The following ZSCAN5A variants were observed in gnomAD, a reference collection of about 807,000 sequenced individuals.
ZSCAN5A encodes zinc finger and SCAN domain-containing protein 5A.
Under a neutral mutation model 23.7 loss-of-function variants are expected in ZSCAN5A, and 12 were observed. The observed-to-expected ratio is 0.51, with a 90% CI of 0.32 to 0.82. The LOEUF (loss-of-function observed/expected upper bound fraction) is 0.82. ZSCAN5A is among the 40% of genes least tolerant of loss of function. The pLI is 0.03. For synonymous variants in ZSCAN5A, 257 were observed against 239.9 expected (o/e 1.07, Z -0.66); for missense variants, 597 against 617.9 (o/e 0.97, Z 0.36).
At chr19:56,361,024 G>GCT (rs1600303817) in intron 2 of ZSCAN5A, among the ~76,000 whole-genome samples, 3 of 152,222 alleles carry the variant, frequency 2.0e-5, no homozygotes, top group South Asian at 2.1e-4. Flanking sequence ...AATGGGCAAA[G>GCT]GACATGAACA....
intron 2 of ZSCAN5A, among the ~76,000 whole-genome samples, chr19:56,285,331 G>A (rs760098262): frequency 1.1e-4 from 17 of 152,154 alleles, no homozygotes; most frequent in South Asian, 2.1e-4. Flanking sequence ...CCACATTCCC[G>A]GCTCTGCTCT....
At chr19:56,301,875 T>G (rs929306957) in intron 2 of ZSCAN5A, 30 of 1,226,664 alleles carry the variant, frequency 2.4e-5, no homozygotes, top group Non-Finnish European at 3.0e-5. Context: ...AGATGTGAGT[T>G]TGGAGATCAG....
intron 2 of ZSCAN5A, among the ~76,000 whole-genome samples, chr19:56,357,992 C>A (rs1383016220): frequency 1.3e-5 from 2 of 148,400 alleles, no homozygotes; most frequent in Non-Finnish European, 3.0e-5. Context: ...GACTTTAAAC[C>A]AAGAAAGGTC....
chr19:56,341,836 A>C (rs1490292263), intron 2 of ZSCAN5A, among the ~76,000 whole-genome samples: 1 of 152,096 alleles, frequency 6.6e-6, no homozygotes, highest in East Asian at 1.9e-4. Context: ...CTGGAACCCA[A>C]GGAAAACAAA....
intron 2 of ZSCAN5A, among the ~76,000 whole-genome samples, chr19:56,234,366 C>T (rs915208993): frequency 3.9e-5 from 6 of 152,076 alleles, no homozygotes; most frequent in Non-Finnish European, 7.3e-5. Flanking sequence ...ATATATTATA[C>T]GGACTAGGGG....
intron 2 of ZSCAN5A, among the ~76,000 whole-genome samples, chr19:56,284,367 GTATC>G (rs1568693778): frequency 6.6e-6 from 1 of 152,102 alleles, no homozygotes; most frequent in Non-Finnish European, 1.5e-5. Flanking sequence ...GAATTTCTGA[GTATC>G]TAGTCTGTGC....
At chr19:56,231,186 C>T (rs970699817) in intron 2 of ZSCAN5A, among the ~76,000 whole-genome samples, 1 of 152,116 alleles carries the variant, frequency 6.6e-6, no homozygotes, top group Non-Finnish European at 1.5e-5. Context: ...GCACTCCAGC[C>T]AGGGTAACAG....
chr19:56,227,614 T>G (rs1468177681), intron 2 of ZSCAN5A, among the ~76,000 whole-genome samples: 1 of 151,886 alleles, frequency 6.6e-6, no homozygotes, highest in East Asian at 1.9e-4. Flanking sequence ...GACACAGGAG[T>G]TAGTATTCAA....
intron 2 of ZSCAN5A, chr19:56,247,092 T>C (rs1465565194): frequency 1.4e-6 from 1 of 714,560 alleles, no homozygotes; most frequent in East Asian, 2.4e-5. Flanking sequence ...GGTTTACGTG[T>C]AATTCCAAGC....
At chr19:56,227,924 G>A (rs994019846) in intron 2 of ZSCAN5A, among the ~76,000 whole-genome samples, 8 of 151,856 alleles carry the variant, frequency 5.3e-5, no homozygotes, top group Admixed American at 2.0e-4. Flanking sequence ...CAGTCGTTGT[G>A]GCATATGCCT....
intron 2 of ZSCAN5A, among the ~76,000 whole-genome samples, chr19:56,250,684 A>C (rs879673907): frequency 2.0e-5 from 3 of 152,198 alleles, no homozygotes; most frequent in Non-Finnish European, 4.4e-5. Flanking sequence ...TCTTACCCAG[A>C]ATGCTACACT....
intron 1 of ZSCAN5A, 153 bp downstream of exon 1, chr19:56,314,528 A>T (rs2041244607): frequency 6.6e-6 from 1 of 152,290 alleles, no homozygotes; most frequent in Non-Finnish European, 1.5e-5. Flanking sequence ...AAACTCCTCC[A>T]GTCCCATCCC....
intron 2 of ZSCAN5A, among the ~76,000 whole-genome samples, chr19:56,330,196 G>C (rs1051785845): frequency 2.6e-5 from 4 of 152,172 alleles, no homozygotes; most frequent in African/African-American, 9.7e-5. Context: ...AGTATTCCAT[G>C]GTGTATATGT....
At chr19:56,244,477 C>T (rs935583882) in intron 2 of ZSCAN5A, 2 of 1,534,178 alleles carry the variant, frequency 1.3e-6, no homozygotes, top group Non-Finnish European at 1.8e-6. Context: ...GGGATGGGGG[C>T]TGCACGGTGC....
chr19:56,221,454 A>G lies in ZSCAN5A; in HGVS notation c.*121T>C. 2 of 1,269,292 alleles carry G rather than the reference A, an allele frequency of 1.6e-6. No homozygotes were observed. Among genetic ancestry groups the G allele is most frequent in the Non-Finnish European group, 2.2e-6 (2 of 920,276 alleles). The allele number at this position is 1,269,292 out of a possible 1,614,324, so 78.6% of individuals were successfully genotyped here. On this transcript the variant is annotated 3_prime_UTR_variant, in exon 6 of 6. Coordinates refer to ENST00000683990, the MANE Select transcript of ZSCAN5A (RefSeq NM_001322064.3). ...TTACTCAAACATCCTGGCAATTCAT[A>G]TCTAGGGCACTCCCTCTGTGTGTCA... is the stretch of plus-strand genomic sequence containing the variant.
chr19:56,330,059 C>T (rs1186601971), intron 2 of ZSCAN5A, among the ~76,000 whole-genome samples: 1 of 152,202 alleles, frequency 6.6e-6, no homozygotes, highest in East Asian at 1.9e-4. Flanking sequence ...TGTTTAACTT[C>T]CACTTATAAG....
chr19:56,280,999 A>T (rs2038653226), intron 2 of ZSCAN5A, among the ~76,000 whole-genome samples: 1 of 152,216 alleles, frequency 6.6e-6, no homozygotes, highest in Non-Finnish European at 1.5e-5. Context: ...CTTCCCCAAA[A>T]CTTAACTACG....
At chr19:56,246,280 A>G (rs2033487) in intron 2 of ZSCAN5A, 39,275 of 310,898 alleles carry the variant, frequency 0.13, 2,971 homozygotes, top group East Asian at 0.25. Flanking sequence ...ACCAGTTTAG[A>G]CAGGGCAGTC....
intron 2 of ZSCAN5A, chr19:56,303,089 A>C (rs1288152241): frequency 2.6e-6 from 1 of 388,820 alleles, no homozygotes; most frequent in Non-Finnish European, 4.5e-6. Context: ...TAAGGACAGA[A>C]TGGAATTAGC....
Sources: allele counts gnomAD v4.1 joint callset (sites outside exome capture counted in the v4.1 genomes callset), GRCh38; gene constraint gnomAD v4.1.1; transcripts MANE v1.5; gene names NCBI Gene and HGNC (gene_info 2026-07-23, HGNC 2026-07-21).